EVC: variants seen among roughly 807,000 people sequenced by gnomAD.
EVC encodes evC complex member EVC.
In EVC, 116 loss-of-function variants were observed where a neutral mutation model predicts 118.9. The observed-to-expected ratio is 0.98, with a 90% CI of 0.84 to 1.14. The LOEUF (loss-of-function observed/expected upper bound fraction) is 1.14. Among genes scored for constraint, EVC ranks in the 50% most tolerant of loss-of-function variants. The pLI is 0.00. For synonymous variants in EVC, 619 were observed against 534.7 expected (o/e 1.16, Z -2.18); for missense variants, 1,401 against 1,246.4 (o/e 1.12, Z -1.87).
At chr4:5,771,575 GA>G (rs1733968851) in intron 11 of EVC, among the ~76,000 whole-genome samples, 1 of 152,196 alleles carries the variant, frequency 6.6e-6, no homozygotes, top group African/African-American at 2.4e-5. Flanking sequence ...GTACCACGGA[GA>G]AAAACAGTAC....
At chr4:5,822,513 A>C in the EVC span, among the ~76,000 whole-genome samples, 1 of 151,754 alleles carries the variant, frequency 6.6e-6, no homozygotes, top group Non-Finnish European at 1.5e-5. Flanking sequence ...GGTGGTGTGC[A>C]GAGGTTCTTA....
At chr4:5,736,885 T>C (rs1356896056) in intron 5 of EVC, among the ~76,000 whole-genome samples, 1 of 152,154 alleles carries the variant, frequency 6.6e-6, no homozygotes, top group Non-Finnish European at 1.5e-5. Flanking sequence ...GGCCTTTAGG[T>C]GTTTGAGTGA....
At chr4:5,827,728 C>T in the EVC span, among the ~76,000 whole-genome samples, 10 of 140,504 alleles carry the variant, frequency 7.1e-5, no homozygotes, top group East Asian at 7.9e-4. Context: ...CACACATGTG[C>T]GCGTGCACAC....
intron 12 of EVC, among the ~76,000 whole-genome samples, chr4:5,785,732 G>A (rs565758194): frequency 1.3e-5 from 2 of 152,348 alleles, no homozygotes; most frequent in Middle Eastern, 6.8e-3. Context: ...CTGCAATATG[G>A]TAAATGTTCA....
chr4:5,780,794 G>A (rs751614126), intron 11 of EVC, among the ~76,000 whole-genome samples: 3 of 152,180 alleles, frequency 2.0e-5, no homozygotes, highest in Non-Finnish European at 4.4e-5. Context: ...CATGGACTCA[G>A]CCTATAGTTG....
intron 5 of EVC, among the ~76,000 whole-genome samples, chr4:5,735,876 C>T (rs1727587144): frequency 6.6e-6 from 1 of 152,190 alleles, no homozygotes; most frequent in Non-Finnish European, 1.5e-5. Flanking sequence ...CCTTCCTGCT[C>T]TGGGGAGCAT....
intron 5 of EVC, among the ~76,000 whole-genome samples, chr4:5,734,255 G>A (rs1475570686): frequency 2.0e-5 from 3 of 152,194 alleles, no homozygotes; most frequent in Admixed American, 1.3e-4. Flanking sequence ...ACAGAGAGAA[G>A]GCAGATGAGA....
At chr4:5,827,466 C>G in the EVC span, among the ~76,000 whole-genome samples, 2 of 152,186 alleles carry the variant, frequency 1.3e-5, no homozygotes, top group African/African-American at 4.8e-5. Flanking sequence ...AGATGCAGAG[C>G]CTCCCAGTCC....
At chr4:5,821,784 G>A in the EVC span, 5 of 1,611,208 alleles carry the variant, frequency 3.1e-6, no homozygotes, top group Non-Finnish European at 4.2e-6. The surrounding 1 kb of genome is among the most constrained non-coding windows in gnomAD (Gnocchi z 4.4). Flanking sequence ...TGATGTTGGA[G>A]CGGCCACCAG....
At chr4:5,713,276 G>A (rs1723347321) in intron 1 of EVC, among the ~76,000 whole-genome samples, 1 of 152,162 alleles carries the variant, frequency 6.6e-6, no homozygotes, top group Admixed American at 6.5e-5. Flanking sequence ...TTTCTAATGA[G>A]ATTCTTTTCC....
chr4:5,768,934 C>T (rs1050630977), intron 11 of EVC, among the ~76,000 whole-genome samples: 3 of 152,110 alleles, frequency 2.0e-5, no homozygotes, highest in Admixed American at 6.5e-5. Context: ...TCAAGGTACC[C>T]TGCCTTGCTG....
chr4:5,758,322 GGC>G (rs924544780), intron 11 of EVC: 43 of 545,104 alleles, frequency 7.9e-5, no homozygotes, highest in Non-Finnish European at 1.2e-4. Context: ...CCCAGTTTGC[GGC>G]GCTTTGTCAT....
chr4:5,797,361 G>T (rs753907207), intron 14 of EVC, 129 bp downstream of exon 14: 1 of 781,722 alleles, frequency 1.3e-6, no homozygotes, highest in South Asian at 1.5e-5. Flanking sequence ...GTATTCATTC[G>T]CCGGGGCTGC....
chr4:5,800,929 C>T (rs1378707416), intron 15 of EVC, among the ~76,000 whole-genome samples: 1 of 152,136 alleles, frequency 6.6e-6, no homozygotes, highest in East Asian at 1.9e-4. Context: ...TTTTTCTTAC[C>T]CAAAGCCTAG....
At chr4:5,769,756 C>T (rs530652140) in intron 11 of EVC, among the ~76,000 whole-genome samples, 16 of 152,230 alleles carry the variant, frequency 1.1e-4, no homozygotes, top group East Asian at 5.8e-4. Flanking sequence ...CCCTGTCATG[C>T]GGGGACTTCT....
intron 2 of EVC, among the ~76,000 whole-genome samples, chr4:5,724,886 C>T (rs987222353): frequency 2.0e-5 from 3 of 152,164 alleles, no homozygotes; most frequent in Non-Finnish European, 4.4e-5. Context: ...CCCTCGCCCC[C>T]GACAGGCCCC....
chr4:5,821,634 C>T, the EVC span: 3 of 855,966 alleles, frequency 3.5e-6, no homozygotes, highest in Non-Finnish European at 3.6e-6. The surrounding 1 kb of genome is among the most constrained non-coding windows in gnomAD (Gnocchi z 4.4). Context: ...AGGGAAAGAG[C>T]ATCCTTCGAC....
At chr4:5,819,733 C>T in the EVC span, among the ~76,000 whole-genome samples, 2 of 152,130 alleles carry the variant, frequency 1.3e-5, no homozygotes, top group African/African-American at 4.8e-5. Context: ...TTTAATAGTC[C>T]AAATGGGCCA....
At chr4:5,726,032 C>G (rs1027962481) in intron 2 of EVC, among the ~76,000 whole-genome samples, 1 of 152,184 alleles carries the variant, frequency 6.6e-6, no homozygotes, top group African/African-American at 2.4e-5. Flanking sequence ...CGGTGCAGCT[C>G]TTCCTGGAGA....
Sources: gnomAD v4.1 joint callset for allele counts (sites outside exome capture counted in the v4.1 genomes callset) on GRCh38, gnomAD v4.1.1 for gene constraint, Gnocchi (gnomAD v3.1) non-coding constraint, MANE v1.5 for transcripts, NCBI Gene and HGNC (gene_info 2026-07-23, HGNC 2026-07-21) for gene names.